Variants in SUN3 observed in about 807,000 individuals in gnomAD.
SUN3 encodes the protein SUN domain-containing protein 3.
Under a neutral mutation model 48.2 loss-of-function variants are expected in SUN3, and 36 were observed. The observed-to-expected ratio is 0.75, with a 90% CI of 0.57 to 0.99. The LOEUF (loss-of-function observed/expected upper bound fraction) is 0.99. Ranked by LOEUF, SUN3 falls within the 50% of genes least tolerant of loss-of-function variation. The pLI is 0.00. For synonymous variants in SUN3, 148 were observed against 147.9 expected, an observed-to-expected ratio of 1.00 and a Z score of 0.00; for missense variants, 419 against 433.1, an observed-to-expected ratio of 0.97 and a Z score of 0.29.
the SUN3 span, chr7:48,035,438 G>T: frequency 4.4e-6 from 3 of 684,068 alleles, no homozygotes; most frequent in African/African-American, 1.8e-5. The surrounding 1 kb of genome is among the most constrained non-coding windows in gnomAD (Gnocchi z 4.0). Context: ...TCCCCCTCAG[G>T]CTTCCCCTAT....
At chr7:48,008,013 A>G (rs774507156) in intron 4 of SUN3, among the ~76,000 whole-genome samples, 2 of 151,798 alleles carry the variant, frequency 1.3e-5, no homozygotes, top group African/African-American at 2.4e-5. Context: ...TAGTAGAGAC[A>G]AGGTTTCACC....
intron 8 of SUN3, among the ~76,000 whole-genome samples, chr7:47,989,880 C>T (rs1789002476): frequency 6.6e-6 from 1 of 152,232 alleles, no homozygotes; most frequent in African/African-American, 2.4e-5. Context: ...GCAGGATGTG[C>T]TTTGTCAAAC....
chr7:48,008,969 G>A (rs1789607399), intron 4 of SUN3, 66 bp downstream of exon 4: 5 of 1,492,788 alleles, frequency 3.3e-6, no homozygotes, highest in South Asian at 2.4e-5. Flanking sequence ...ATACTTTTCT[G>A]TACGAAAACA....
At chr7:48,010,092 C>CACACACACAA (rs1312911994) in intron 3 of SUN3, among the ~76,000 whole-genome samples, 2 of 152,034 alleles carry the variant, frequency 1.3e-5, no homozygotes, top group Non-Finnish European at 2.9e-5. Flanking sequence ...GCATGAGACA[C>CACACACACAA]ACACACACAA....
At chr7:47,989,292 G>A (rs1162078118) in intron 8 of SUN3, among the ~76,000 whole-genome samples, 3 of 152,104 alleles carry the variant, frequency 2.0e-5, no homozygotes, top group Non-Finnish European at 2.9e-5. Flanking sequence ...AAAATGCGTC[G>A]CCATACTGAA....
rs2128784411 is a variant in SUN3 at position 48,025,891 on chromosome 7, G to A, written c.170C>T (p.Thr57Ile). ...GGAAGACTTACCTACAAGAAGAAAA[G>A]TCAGTGTAAGCATTGTACTTAGAAT... Reference protein sequence around the residue: ...KIILSTMLTLTFLLVGLLNHQ... With the variant: ...KIILSTMLTLIFLLVGLLNHQ... The change falls in exon 2 of 10, where the codon ACT (threonine) becomes ATT (isoleucine). Residue 57 changes from threonine (T) to isoleucine (I), a missense_variant. Coordinates refer to ENST00000297325, the MANE Select transcript of SUN3 (RefSeq NM_001030019.2). 6.2e-7 allele frequency: 1 copy of A among 1,601,592 alleles called. No individual in the cohort carries two copies. Among genetic ancestry groups the A allele is most frequent in the East Asian group, 2.2e-5 (1 of 44,770 alleles).
At chr7:48,001,656 C>T (rs1360993948) in intron 6 of SUN3, among the ~76,000 whole-genome samples, 3 of 151,480 alleles carry the variant, frequency 2.0e-5, no homozygotes, top group African/African-American at 7.3e-5. Flanking sequence ...GCCTCAGCCT[C>T]CTGAGTAGCT....
chr7:48,025,687 T>C (rs1790114670), intron 2 of SUN3, among the ~76,000 whole-genome samples, 190 bp downstream of exon 2: 1 of 152,224 alleles, frequency 6.6e-6, no homozygotes, highest in Non-Finnish European at 1.5e-5. Context: ...AAATTTTCTA[T>C]TAAAAAGCCA....
chr7:47,994,005 T>C (rs1381684194), intron 8 of SUN3, among the ~76,000 whole-genome samples: 1 of 152,092 alleles, frequency 6.6e-6, no homozygotes, highest in Non-Finnish European at 1.5e-5. Context: ...ACATCTAAAA[T>C]TGTTGCAAGT....
intron 6 of SUN3, 118 bp downstream of exon 6, chr7:48,005,851 C>G: frequency 3.1e-6 from 1 of 322,480 alleles, no homozygotes. Context: ...TGATTAATTT[C>G]CCCCCCCCAA....
intron 5 of SUN3, 123 bp from the exon 6 acceptor site, chr7:48,006,176 C>A: frequency 1.5e-6 from 1 of 651,828 alleles, no homozygotes; most frequent in South Asian, 1.9e-5. Flanking sequence ...CCCCTATCAG[C>A]TGCACTCTGA....
intron 6 of SUN3, among the ~76,000 whole-genome samples, chr7:47,998,937 C>T (rs1276457346): frequency 2.0e-5 from 3 of 152,136 alleles, no homozygotes; most frequent in African/African-American, 7.2e-5. Flanking sequence ...GTGAGTTCTC[C>T]AACTTTGTCT....
chr7:48,008,115 C>T (rs556094112), intron 4 of SUN3, among the ~76,000 whole-genome samples: 44 of 152,258 alleles, frequency 2.9e-4, no homozygotes, highest in Admixed American at 5.9e-4. Context: ...TGAGCCACCA[C>T]GCCCGGCCAA....
At chr7:48,010,408 C>A (rs530124746) in intron 3 of SUN3, among the ~76,000 whole-genome samples, 4 of 152,152 alleles carry the variant, frequency 2.6e-5, no homozygotes, top group Non-Finnish European at 5.9e-5. Context: ...CGAGGGATGG[C>A]TCCTGACATC....
At chr7:47,995,938 A>C in intron 7 of SUN3, 93 bp downstream of exon 7, 1 of 704,170 alleles carries the variant, frequency 1.4e-6, no homozygotes, top group Non-Finnish European at 2.2e-6. Context: ...AGACACTCTT[A>C]TATTGCCTCC....
chr7:47,998,236 A>G (rs779456868), intron 6 of SUN3, among the ~76,000 whole-genome samples: 2 of 152,186 alleles, frequency 1.3e-5, no homozygotes, highest in Non-Finnish European at 2.9e-5. Context: ...AGCACTTAGT[A>G]TGGTCGGTTT....
intron 2 of SUN3, among the ~76,000 whole-genome samples, chr7:48,022,238 TAGAG>T (rs890067059): frequency 5.9e-5 from 9 of 151,918 alleles, no homozygotes; most frequent in African/African-American, 9.7e-5. Context: ...CTAATGAACA[TAGAG>T]AGTAAAATGA....
At chr7:47,990,881 G>C in intron 8 of SUN3, 1 of 373,546 alleles carries the variant, frequency 2.7e-6, no homozygotes, top group South Asian at 1.9e-5. Flanking sequence ...GTTCTCACTT[G>C]TAAGTGGGAG....
Position 47,991,004 on chromosome 7 carries a change from A to G in SUN3, c.862-2124T>C, listed in dbSNP as rs184499912. The G allele has an allele frequency of 4.6e-3, 2,079 of 449,812 alleles. 65 individuals carry two copies. In the Admixed American group the frequency reaches 0.047, roughly 10 times the overall value. The allele number at this position is 449,812 out of a possible 1,614,324, so 27.9% of individuals were successfully genotyped here. Reference sequence around the variant, plus strand: ...AGAGAAATACCTGTTGGGTATTACTACTTACCGCCTGTATAACAAACCTGC... The same window carrying G: ...AGAGAAATACCTGTTGGGTATTACTGCTTACCGCCTGTATAACAAACCTGC... On this transcript the variant is annotated intron_variant, in intron 8 of 9. Coordinates refer to ENST00000297325, the MANE Select transcript of SUN3 (RefSeq NM_001030019.2).
Sources: gnomAD v4.1 joint callset for allele counts (sites outside exome capture counted in the v4.1 genomes callset) on GRCh38, gnomAD v4.1.1 for gene constraint, Gnocchi (gnomAD v3.1) non-coding constraint, MANE v1.5 for transcripts, NCBI Gene and HGNC (gene_info 2026-07-23, HGNC 2026-07-21) for gene names.